The following STK32B variants were observed in gnomAD, a reference collection of about 807,000 sequenced individuals.
The protein encoded by STK32B is serine/threonine kinase 32B.
Under a neutral mutation model 52.6 loss-of-function variants are expected in STK32B, and 43 were observed. That is an observed-to-expected ratio of 0.82 (90% CI 0.64 to 1.05). The LOEUF (loss-of-function observed/expected upper bound fraction) is 1.05, where lower values mean the gene tolerates loss of function less well. Ranked by LOEUF, STK32B falls within the 50% of genes least tolerant of loss-of-function variation. The pLI is 0.00. For synonymous variants in STK32B, 238 were observed against 204.3 expected (o/e 1.17, Z -1.41); for missense variants, 621 against 534.6 (o/e 1.16, Z -1.59).
chr4:5,268,579 GTGTGTA>G (rs1358884969), intron 3 of STK32B, among the ~76,000 whole-genome samples: 6 of 133,922 alleles, frequency 4.5e-5, no homozygotes, highest in East Asian at 2.1e-4. Context: ...GTGTGTGTGT[GTGTGTA>G]TAGCAAATAT....
At chr4:5,103,940 T>G (rs1713961279) in intron 1 of STK32B, among the ~76,000 whole-genome samples, 1 of 152,220 alleles carries the variant, frequency 6.6e-6, no homozygotes, top group African/African-American at 2.4e-5. Context: ...TTGATCATAT[T>G]CTTGCCTATT....
intron 7 of STK32B, among the ~76,000 whole-genome samples, chr4:5,456,175 C>G (rs1716492223): frequency 6.6e-6 from 1 of 152,208 alleles, no homozygotes; most frequent in Non-Finnish European, 1.5e-5. Flanking sequence ...AGAAACTGCA[C>G]ATGGCAATGT....
the STK32B span, among the ~76,000 whole-genome samples, chr4:5,032,078 G>T: frequency 6.6e-6 from 1 of 151,456 alleles, no homozygotes; most frequent in Non-Finnish European, 1.5e-5. Context: ...AAACAAATAC[G>T]TTTTTTGTAT....
chr4:5,193,997 TTCTA>T (rs1293703117), intron 3 of STK32B, among the ~76,000 whole-genome samples: 1 of 152,204 alleles, frequency 6.6e-6, no homozygotes, highest in African/African-American at 2.4e-5. Context: ...TTTGCACATG[TTCTA>T]TCTGAGCATT....
chr4:5,043,285 A>C, the STK32B span, among the ~76,000 whole-genome samples: 1 of 152,008 alleles, frequency 6.6e-6, no homozygotes, highest in Non-Finnish European at 1.5e-5. Flanking sequence ...TTCCAATAAT[A>C]CCTGGAAAAT....
chr4:5,449,784 CGAGGGACCT>C lies in STK32B; in HGVS notation c.666+3009_666+3017del, dbSNP rs1577522511. 2.0e-5 allele frequency among the ~76,000 whole-genome samples: 3 copies of C among 152,234 alleles called. No homozygotes were observed. The East Asian group carries it at 5.8e-4, about 29-fold the overall frequency. On this transcript the variant is annotated intron_variant, in intron 7 of 11. Transcript: ENST00000282908. ...CAAACCCTCTTGTGAACTGTGCATG[CGAGGGACCT>C]AGGGTGCGTGCACCTTATGAGAATC...
chr4:5,456,051 G>T (rs1234822710), intron 7 of STK32B, among the ~76,000 whole-genome samples: 1 of 152,100 alleles, frequency 6.6e-6, no homozygotes, highest in Non-Finnish European at 1.5e-5. Flanking sequence ...CATGGGGGTT[G>T]GGGCAGGGGG....
chr4:5,260,850 G>A (rs1362324927), intron 3 of STK32B, among the ~76,000 whole-genome samples: 1 of 152,148 alleles, frequency 6.6e-6, no homozygotes, highest in African/African-American at 2.4e-5. Context: ...AAGGAAGGGG[G>A]CAGAGTTGTT....
At chr4:5,033,245 A>T in the STK32B span, among the ~76,000 whole-genome samples, 1 of 152,150 alleles carries the variant, frequency 6.6e-6, no homozygotes, top group Non-Finnish European at 1.5e-5. Context: ...ACAACACGGT[A>T]GGTGATACGG....
At chr4:5,283,141 G>C (rs1728317267) in intron 3 of STK32B, among the ~76,000 whole-genome samples, 1 of 151,990 alleles carries the variant, frequency 6.6e-6, no homozygotes, top group African/African-American at 2.4e-5. Context: ...ATCTTTATTA[G>C]ATTCCACATA....
At chr4:5,327,324 C>T (rs1212507450) in intron 3 of STK32B, among the ~76,000 whole-genome samples, 3 of 149,640 alleles carry the variant, frequency 2.0e-5, no homozygotes, top group South Asian at 2.2e-4. Context: ...TCTAGTATGG[C>T]GAATCCTTTC....
intron 1 of STK32B, among the ~76,000 whole-genome samples, chr4:5,054,086 T>C (rs1001966823): frequency 6.6e-6 from 1 of 152,178 alleles, no homozygotes; most frequent in African/African-American, 2.4e-5. Context: ...ATTTTGCCAG[T>C]ATGTCTCTCA....
intron 3 of STK32B, among the ~76,000 whole-genome samples, chr4:5,330,860 G>A (rs1251352042): frequency 6.6e-6 from 1 of 152,190 alleles, no homozygotes; most frequent in South Asian, 2.1e-4. Context: ...GTCTTTGGAG[G>A]CTAGCTCCTA....
intron 3 of STK32B, among the ~76,000 whole-genome samples, chr4:5,311,896 A>G (rs1730312493): frequency 7.2e-6 from 1 of 139,494 alleles, no homozygotes; most frequent in South Asian, 2.2e-4. Context: ...AGAGAAGTGC[A>G]TACTTTTATA....
intron 2 of STK32B, among the ~76,000 whole-genome samples, chr4:5,153,521 T>A (rs1290429896): frequency 6.6e-6 from 1 of 151,116 alleles, no homozygotes; most frequent in African/African-American, 2.4e-5. Flanking sequence ...AAAAAAAAGC[T>A]CTAAAGAAAG....
chr4:5,084,492 T>C (rs6822181), intron 1 of STK32B, among the ~76,000 whole-genome samples: 46,331 of 152,178 alleles, frequency 0.3, 7,817 homozygotes, highest in Middle Eastern at 0.41. Context: ...GAATTTGTAA[T>C]GGTGATAAAA....
intron 3 of STK32B, among the ~76,000 whole-genome samples, chr4:5,275,526 C>A (rs895838224): frequency 1.3e-5 from 2 of 152,000 alleles, no homozygotes; most frequent in African/African-American, 2.4e-5. Flanking sequence ...GATCGTTTCC[C>A]GTCTTCACCA....
At chr4:5,455,869 A>G (rs1454050546) in intron 7 of STK32B, among the ~76,000 whole-genome samples, 1 of 152,188 alleles carries the variant, frequency 6.6e-6, no homozygotes, top group African/African-American at 2.4e-5. Context: ...AGTCAACTTC[A>G]TATGGGTTAA....
chr4:5,175,631 G>A (rs940886600), intron 3 of STK32B, among the ~76,000 whole-genome samples: 7 of 152,212 alleles, frequency 4.6e-5, no homozygotes, highest in Admixed American at 1.3e-4. Flanking sequence ...TTGGTGAACC[G>A]CAAATGCTGC....
Sources: gnomAD v4.1 joint callset for allele counts (sites outside exome capture counted in the v4.1 genomes callset) on GRCh38, gnomAD v4.1.1 for gene constraint, MANE v1.5 for transcripts, NCBI Gene and HGNC (gene_info 2026-07-23, HGNC 2026-07-21) for gene names.